Variants in PKNOX2 observed in about 807,000 individuals in gnomAD.
PKNOX2 encodes PBX/knotted 1 homeobox 2, also known as homeobox protein PKNOX2.
Under a neutral mutation model 53.1 loss-of-function variants are expected in PKNOX2, and 14 were observed. The observed-to-expected ratio is 0.26, with a 90% CI of 0.17 to 0.41. PKNOX2 has a LOEUF of 0.41. Ranked by LOEUF, PKNOX2 falls within the 10% of genes least tolerant of loss-of-function variation. The probability of loss-of-function intolerance (pLI) is 1.00; values close to 1 mark genes in which losing one functional copy is unlikely to be tolerated. For synonymous variants in PKNOX2, 257 were observed against 242.8 expected (o/e 1.06, Z -0.54); for missense variants, 496 against 602.8 (o/e 0.82, Z 1.85).
chr11:125,350,803 G>A (rs575783467), intron 3 of PKNOX2, among the ~76,000 whole-genome samples: 1 of 152,280 alleles, frequency 6.6e-6, no homozygotes, highest in Admixed American at 6.5e-5. Flanking sequence ...CTGGAATCCC[G>A]TAGCTGGCCT....
rs1052710982 is a variant in PKNOX2, at chr11:125,278,218, A to G, written c.-130+43103A>G. On this transcript the variant is annotated intron_variant, in intron 2 of 12. Transcript: ENST00000298282. ...TGGGCAACAGAGTGAGACCCTGTCT[A>G]AAAAAAAAAAAAAAAAAAACTGTAG... 4.1e-4 allele frequency among the ~76,000 whole-genome samples: 52 copies of G among 127,908 alleles called. No individual in the cohort carries two copies. In the East Asian group the frequency reaches 0.011, roughly 27 times the overall value. 83.9% of individuals were successfully genotyped at this position (127,908 alleles called of 152,430 possible).
At chr11:125,246,623 A>G (rs1335168709) in intron 2 of PKNOX2, among the ~76,000 whole-genome samples, 1 of 152,174 alleles carries the variant, frequency 6.6e-6, no homozygotes, top group South Asian at 2.1e-4. Context: ...CTTCCTCCCT[A>G]TGACCATGTC....
chr11:125,410,214 C>T lies in PKNOX2; in HGVS notation c.607C>T (p.Pro203Ser). 6.2e-7 allele frequency: 1 copy of T among 1,613,996 alleles called. No homozygotes were observed. Among genetic ancestry groups the T allele is most frequent in the Non-Finnish European group, 8.5e-7 (1 of 1,179,958 alleles). Residue 203 changes from proline (P) to serine (S), a missense_variant, in exon 8 of 13, where the codon CCC becomes TCC. By Grantham distance (74) the Pro-to-Ser change is moderately conservative. Around this residue, in one of 5 missense-constraint regions of PKNOX2, gnomAD observed 141 missense variants for 143.9 expected, o/e 0.98. Coordinates refer to ENST00000298282, the MANE Select transcript of PKNOX2 (RefSeq NM_001382323.2). Reference protein sequence around the residue: ...LHSQDLLQNSPNSMSGVSNNP... With the variant: ...LHSQDLLQNSSNSMSGVSNNP... ...CTGCCAGGACCTCCTGCAGAATTCC[C>T]CCAATTCCATGTCCGGAGTCTCCAA... is the stretch of plus-strand genomic sequence containing the variant.
intron 2 of PKNOX2, among the ~76,000 whole-genome samples, chr11:125,278,619 G>C (rs1322171401): frequency 6.6e-6 from 1 of 150,948 alleles, no homozygotes; most frequent in Non-Finnish European, 1.5e-5. Context: ...GCCTTCAGTT[G>C]AAGACCGAGG....
chr11:125,397,745 C>A, intron 6 of PKNOX2, 129 bp from the exon 7 acceptor site: 2 of 947,524 alleles, frequency 2.1e-6, no homozygotes, highest in South Asian at 1.6e-5. Flanking sequence ...TGGCCAAGAT[C>A]AAGTGTAGGA....
chr11:125,336,604 A>G (rs1272217948), intron 3 of PKNOX2, among the ~76,000 whole-genome samples: 2 of 148,322 alleles, frequency 1.3e-5, no homozygotes, highest in African/African-American at 4.9e-5. Flanking sequence ...CATACCATAT[A>G]GCATTATAGA....
At chr11:125,412,330 G>A (rs1249366205) in intron 10 of PKNOX2, among the ~76,000 whole-genome samples, 3 of 152,320 alleles carry the variant, frequency 2.0e-5, no homozygotes, top group Non-Finnish European at 2.9e-5. Context: ...GCTGTGTGGT[G>A]GAGATGGGCG....
intron 3 of PKNOX2, among the ~76,000 whole-genome samples, chr11:125,341,486 C>G (rs1267839526): frequency 6.6e-6 from 1 of 152,234 alleles, no homozygotes; most frequent in Non-Finnish European, 1.5e-5. Flanking sequence ...TGCCCCTTCT[C>G]CCCCAGTGAA....
intron 1 of PKNOX2, among the ~76,000 whole-genome samples, chr11:125,190,544 G>T (rs1956817964): frequency 6.6e-6 from 1 of 152,086 alleles, no homozygotes; most frequent in South Asian, 2.1e-4. Context: ...TCTTAGTCTG[G>T]CACTTAAAAC....
At chr11:125,265,659 C>T (rs527547450) in intron 2 of PKNOX2, among the ~76,000 whole-genome samples, 32 of 152,292 alleles carry the variant, frequency 2.1e-4, no homozygotes, top group Non-Finnish European at 4.1e-4. Context: ...GGCTGTCACC[C>T]GGGTTTCTGA....
At position 125,302,603 on chromosome 11, in the gene PKNOX2, T is replaced by C. The variant is rs555737460; in HGVS notation, c.-129-29216T>C. Among the ~76,000 whole-genome samples, 14 of 152,284 alleles carry C rather than the reference T, an allele frequency of 9.2e-5. No homozygotes were observed. The South Asian group carries it at 2.9e-3, about 32-fold the overall frequency. On this transcript the variant is annotated intron_variant, in intron 2 of 12. Coordinates refer to ENST00000298282, the MANE Select transcript of PKNOX2 (RefSeq NM_001382323.2). ...CAGCCAAGGGGATTGAGTCAGGCCC[T>C]CCAGAGTATTGGGGGTGTTTAAAAC...
chr11:125,378,979 T>C (rs980390123), intron 5 of PKNOX2, among the ~76,000 whole-genome samples: 1 of 152,108 alleles, frequency 6.6e-6, no homozygotes. Context: ...TGTTTGTTTT[T>C]TTTTTTTAAA....
intron 1 of PKNOX2, among the ~76,000 whole-genome samples, chr11:125,173,048 G>T (rs1202164272): frequency 1.4e-5 from 2 of 146,508 alleles, no homozygotes; most frequent in African/African-American, 2.5e-5. Context: ...TTCTGACCCT[G>T]GTTCTACTAC....
At position 125,373,681 on chromosome 11, in the gene PKNOX2, A is replaced by G. The variant is rs563311958; in HGVS notation, c.227+5696A>G. 3.9e-5 allele frequency among the ~76,000 whole-genome samples: 6 copies of G among 152,316 alleles called. No homozygotes were observed. The South Asian group carries it at 1.2e-3, about 32-fold the overall frequency. On this transcript the variant is annotated intron_variant, in intron 5 of 12. Transcript: ENST00000298282. ...GCAGGGCTGCCAAAGGTTTCCAGTC[A>G]AGTGGTCTTCACTCTACAATTCAAT...
intron 1 of PKNOX2, among the ~76,000 whole-genome samples, chr11:125,221,519 G>A (rs1363564970): frequency 6.6e-6 from 1 of 152,162 alleles, no homozygotes; most frequent in South Asian, 2.1e-4. Context: ...CCGCAGCCAC[G>A]CCGTTTAGTG....
intron 10 of PKNOX2, among the ~76,000 whole-genome samples, chr11:125,414,877 G>A (rs1278030460): frequency 6.6e-6 from 1 of 152,146 alleles, no homozygotes; most frequent in Non-Finnish European, 1.5e-5. Flanking sequence ...TAGAACAATG[G>A]ACCAAGAGCA....
intron 5 of PKNOX2, among the ~76,000 whole-genome samples, chr11:125,380,209 C>A (rs904655250): frequency 8.5e-5 from 13 of 152,176 alleles, no homozygotes; most frequent in Non-Finnish European, 1.8e-4. Flanking sequence ...TAGAGAAATT[C>A]ATTTCTCTTT....
At chr11:125,298,160 T>A (rs1478890431) in intron 2 of PKNOX2, among the ~76,000 whole-genome samples, 1 of 151,984 alleles carries the variant, frequency 6.6e-6, no homozygotes, top group Non-Finnish European at 1.5e-5. Context: ...CCTCAGAAGG[T>A]GGCGTTAAGG....
At chr11:125,371,307 T>C (rs768856854) in intron 5 of PKNOX2, among the ~76,000 whole-genome samples, 1 of 151,958 alleles carries the variant, frequency 6.6e-6, no homozygotes, top group Non-Finnish European at 1.5e-5. Flanking sequence ...GGGAGGCCGG[T>C]GGAGTGAGGG....
Sources: allele counts gnomAD v4.1 joint callset (sites outside exome capture counted in the v4.1 genomes callset), GRCh38; gene constraint gnomAD v4.1.1; regional missense constraint gnomAD v4.1.1; transcripts MANE v1.5; gene names NCBI Gene and HGNC (gene_info 2026-07-23, HGNC 2026-07-21).